Variants in GPHN observed in about 807,000 individuals in gnomAD.
The protein encoded by GPHN is gephyrin.
A neutral mutation model predicts 95.5 loss-of-function variants in GPHN; 17 were observed. That is an observed-to-expected ratio of 0.18 (90% confidence interval 0.12 to 0.27). The LOEUF (loss-of-function observed/expected upper bound fraction) is 0.27, where lower values mean the gene tolerates loss of function less well. GPHN is among the 10% of genes least tolerant of loss of function. GPHN has a pLI of 1.00. For synonymous variants in GPHN, 320 were observed against 322.5 expected (o/e 0.99, Z 0.08); for missense variants, 660 against 978.1 (o/e 0.67, Z 4.34).
the GPHN span, among the ~76,000 whole-genome samples, chr14:67,566,665 T>C: frequency 1.3e-5 from 2 of 151,802 alleles, no homozygotes; most frequent in African/African-American, 4.8e-5. Flanking sequence ...GAAGTTAAGT[T>C]TGAGCCCAGG....
chr14:67,609,049 C>A, the GPHN span, among the ~76,000 whole-genome samples: 1 of 152,152 alleles, frequency 6.6e-6, no homozygotes, highest in Admixed American at 6.6e-5. Flanking sequence ...CTTGAGACAT[C>A]AATTGCAAGT....
chr14:66,661,637 T>C (rs2065657626), intron 1 of GPHN, among the ~76,000 whole-genome samples: 1 of 152,104 alleles, frequency 6.6e-6, no homozygotes, highest in Admixed American at 6.5e-5. Context: ...TAATACAACA[T>C]GGCCGACTAC....
chr14:66,877,020 C>T (rs2063699266), intron 4 of GPHN, among the ~76,000 whole-genome samples: 1 of 152,122 alleles, frequency 6.6e-6, no homozygotes, highest in African/African-American at 2.4e-5. Context: ...TCCAGCAGCA[C>T]ATCAAAAAGC....
At chr14:67,569,188 G>A in the GPHN span, 4 of 1,612,996 alleles carry the variant, frequency 2.5e-6, no homozygotes, top group Non-Finnish European at 3.4e-6. Flanking sequence ...TCTCAGATAT[G>A]TCTCCCAGAA....
At chr14:67,353,105 C>T in the GPHN span, 128 of 1,236,620 alleles carry the variant, frequency 1.0e-4, no homozygotes, top group African/African-American at 1.7e-3. Context: ...AAAAACCCTC[C>T]CCACCAGTGT....
the GPHN span, among the ~76,000 whole-genome samples, chr14:67,682,077 G>T: frequency 2.9e-4 from 44 of 152,092 alleles, no homozygotes; most frequent in Non-Finnish European, 5.0e-4. Flanking sequence ...CAGGCACCAT[G>T]TTCTTAGACT....
the GPHN span, among the ~76,000 whole-genome samples, chr14:67,399,791 A>G: frequency 6.6e-6 from 1 of 152,262 alleles, no homozygotes; most frequent in Admixed American, 6.5e-5. Context: ...TGGTAGAGCC[A>G]ATGGGCAGAA....
chr14:66,546,816 A>C, intron 1 of GPHN, among the ~76,000 whole-genome samples: 1 of 97,734 alleles, frequency 1.0e-5, no homozygotes, highest in African/African-American at 4.0e-5. Flanking sequence ...GGGGAGGGGG[A>C]GGGAGAGGGC....
the GPHN span, among the ~76,000 whole-genome samples, chr14:67,429,521 A>C: frequency 6.8e-6 from 1 of 146,408 alleles, no homozygotes; most frequent in Non-Finnish European, 1.5e-5. Context: ...GGATCTTTTG[A>C]GGTCAGGAGT....
chr14:67,295,659 T>C, the GPHN span, among the ~76,000 whole-genome samples: 1 of 152,132 alleles, frequency 6.6e-6, no homozygotes, highest in Non-Finnish European at 1.5e-5. Flanking sequence ...CATAATGAGA[T>C]ACAGTTACAC....
the GPHN span, among the ~76,000 whole-genome samples, chr14:67,399,464 G>A: frequency 6.7e-6 from 1 of 149,450 alleles, no homozygotes; most frequent in Non-Finnish European, 1.5e-5. Flanking sequence ...CAGGAATAAA[G>A]AGAAGGGTAG....
intron 9 of GPHN, among the ~76,000 whole-genome samples, chr14:67,016,420 AAG>A (rs981802430): frequency 9.9e-5 from 15 of 152,072 alleles, no homozygotes; most frequent in Non-Finnish European, 1.9e-4. Context: ...TAAACATAAA[AAG>A]ATATTTATAA....
the GPHN span, among the ~76,000 whole-genome samples, chr14:67,428,659 T>C: frequency 6.6e-6 from 1 of 152,232 alleles, no homozygotes; most frequent in Non-Finnish European, 1.5e-5. Context: ...TGAAACTGCA[T>C]TGTCAGTCTG....
At chr14:67,646,615 T>C in the GPHN span, 212 of 1,530,628 alleles carry the variant, frequency 1.4e-4, no homozygotes, top group Non-Finnish European at 1.9e-4. Context: ...GAATTCTTGA[T>C]TAATCCTGTC....
At chr14:67,284,168 CTG>C in the GPHN span, among the ~76,000 whole-genome samples, 1 of 152,054 alleles carries the variant, frequency 6.6e-6, no homozygotes, top group South Asian at 2.1e-4. Context: ...TCATCTAACT[CTG>C]TAGTCCATAA....
chr14:67,507,475 G>A, the GPHN span, among the ~76,000 whole-genome samples: 1 of 152,108 alleles, frequency 6.6e-6, no homozygotes, highest in Non-Finnish European at 1.5e-5. Context: ...AGTCCCCAGG[G>A]TCTCGGTCTT....
At chr14:67,393,003 T>G in the GPHN span, 2 of 868,724 alleles carry the variant, frequency 2.3e-6, no homozygotes, top group Non-Finnish European at 3.8e-6. Flanking sequence ...GAGCCGTGGC[T>G]GCACACCCAC....
At chr14:67,060,784 A>G (rs1268530605) in intron 11 of GPHN, among the ~76,000 whole-genome samples, 1 of 151,970 alleles carries the variant, frequency 6.6e-6, no homozygotes, top group Non-Finnish European at 1.5e-5. Flanking sequence ...CATCTTGTCC[A>G]TTGACTTCAG....
At chr14:67,253,121 C>T in the GPHN span, among the ~76,000 whole-genome samples, 3 of 152,200 alleles carry the variant, frequency 2.0e-5, no homozygotes, top group Admixed American at 2.0e-4. Flanking sequence ...ACTCTCTTGA[C>T]TTGTGTGTGA....
Sources: gnomAD v4.1 joint callset for allele counts (sites outside exome capture counted in the v4.1 genomes callset) on GRCh38, gnomAD v4.1.1 for gene constraint, MANE v1.5 for transcripts, NCBI Gene and HGNC (gene_info 2026-07-23, HGNC 2026-07-21) for gene names.